Variants in KLF8 observed in about 807,000 individuals in gnomAD.
KLF8 encodes the protein KLF transcription factor 8, also known as Krueppel-like factor 8.
In KLF8, 10 loss-of-function variants were observed where a neutral mutation model predicts 18.2. That is an observed-to-expected ratio of 0.55 (90% CI 0.34 to 0.93). The LOEUF (loss-of-function observed/expected upper bound fraction) is 0.93. Among genes scored for constraint, KLF8 ranks in the 40% least tolerant of loss-of-function variants. The pLI, the probability that KLF8 is intolerant of heterozygous loss-of-function variation, is 0.02. For synonymous variants in KLF8, 109 were observed against 97.3 expected, an observed-to-expected ratio of 1.12 and a Z score of -0.71; for missense variants, 264 against 277.9, an observed-to-expected ratio of 0.95 and a Z score of 0.36.
chrX:55,950,702 G>T, the KLF8 span, among the ~76,000 whole-genome samples: 36 of 111,575 alleles, frequency 3.2e-4, no homozygotes, highest in African/African-American at 1.0e-3. Flanking sequence ...TTTTCTTCAT[G>T]CCCTGGTGAT....
chrX:56,035,362 C>A, the KLF8 span, among the ~76,000 whole-genome samples: 1 of 112,003 alleles, frequency 8.9e-6, no homozygotes, highest in African/African-American at 3.2e-5. Flanking sequence ...TTTATGCAGC[C>A]ATCTGTTCTT....
chrX:56,221,068 A>G, the KLF8 span, among the ~76,000 whole-genome samples: 1 of 112,192 alleles, frequency 8.9e-6, no homozygotes, highest in African/African-American at 3.2e-5. Context: ...ATACTTCCTT[A>G]CTTGCACATA....
At chrX:55,913,832 A>G in the KLF8 span, among the ~76,000 whole-genome samples, 6 of 112,170 alleles carry the variant, frequency 5.3e-5, no homozygotes, top group Non-Finnish European at 1.1e-4. Flanking sequence ...AGAACAGGGT[A>G]GGGTTAGAGA....
chrX:56,003,812 ACTT>A, the KLF8 span, among the ~76,000 whole-genome samples: 2 of 112,028 alleles, frequency 1.8e-5, no homozygotes, highest in African/African-American at 6.5e-5. Context: ...ATGGGCTTCT[ACTT>A]CTTCTTAAAA....
chrX:56,133,775 C>T, the KLF8 span, among the ~76,000 whole-genome samples: 1 of 111,379 alleles, frequency 9.0e-6, no homozygotes, highest in Admixed American at 9.6e-5. Flanking sequence ...CCTAAAGACT[C>T]GTCCAAATAG....
chrX:56,034,296 G>A, the KLF8 span, among the ~76,000 whole-genome samples: 1 of 111,286 alleles, frequency 9.0e-6, no homozygotes, highest in African/African-American at 3.3e-5. Context: ...GTATATTATT[G>A]GCATCTTTGT....
the KLF8 span, among the ~76,000 whole-genome samples, chrX:56,212,675 G>A: frequency 2.7e-5 from 3 of 112,168 alleles, no homozygotes; most frequent in Non-Finnish European, 3.8e-5. Flanking sequence ...TGTATTCAGG[G>A]AGGTGTGGCA....
chrX:55,932,436 G>A, the KLF8 span, among the ~76,000 whole-genome samples: 7 of 111,229 alleles, frequency 6.3e-5, no homozygotes, highest in East Asian at 1.4e-3. Context: ...TATTTTGCCC[G>A]TTAGTTGATG....
At chrX:56,228,612 C>T (rs770623140), upstream of KLF8, among the ~76,000 whole-genome samples, 9 of 112,166 alleles carry the variant, frequency 8.0e-5, no homozygotes, top group African/African-American at 3.2e-5. Flanking sequence ...AATCTCCTTC[C>T]AGGCTTTCTT....
chrX:55,941,228 T>C, the KLF8 span, among the ~76,000 whole-genome samples: 1 of 111,939 alleles, frequency 8.9e-6, no homozygotes, highest in Non-Finnish European at 1.9e-5. Context: ...TATCTACAAC[T>C]ATCTTATCTT....
the KLF8 span, among the ~76,000 whole-genome samples, chrX:56,136,764 T>G: frequency 9.0e-6 from 1 of 110,540 alleles, no homozygotes; most frequent in African/African-American, 3.3e-5. Context: ...GGGATCTAAT[T>G]AAACTAAAGA....
the KLF8 span, among the ~76,000 whole-genome samples, chrX:56,045,684 G>C: frequency 1.8e-5 from 2 of 111,790 alleles, no homozygotes; most frequent in Non-Finnish European, 3.8e-5. Context: ...AAGGGGTTCA[G>C]TTCTTGATTT....
chrX:56,013,643 C>T, the KLF8 span, among the ~76,000 whole-genome samples: 12 of 110,630 alleles, frequency 1.1e-4, no homozygotes, highest in Non-Finnish European at 2.1e-4. Context: ...TTCTTTTTTT[C>T]GTTATGATAG....
chrX:55,954,738 G>A, the KLF8 span, among the ~76,000 whole-genome samples: 1 of 111,766 alleles, frequency 8.9e-6, no homozygotes, highest in Admixed American at 9.5e-5. Context: ...ACATGTGAAT[G>A]TTCACAGCAG....
At chrX:56,153,564 C>G in the KLF8 span, among the ~76,000 whole-genome samples, 4 of 110,934 alleles carry the variant, frequency 3.6e-5, no homozygotes, top group African/African-American at 1.3e-4. Flanking sequence ...GAGGGCATCC[C>G]TGTCTCGTGC....
chrX:56,187,338 C>T, the KLF8 span, among the ~76,000 whole-genome samples: 1 of 111,948 alleles, frequency 8.9e-6, no homozygotes, highest in Non-Finnish European at 1.9e-5. Context: ...AGTTGAATCT[C>T]TGCATAGACC....
the KLF8 span, among the ~76,000 whole-genome samples, chrX:56,045,346 G>A: frequency 1.5e-4 from 17 of 111,357 alleles, no homozygotes; most frequent in African/African-American, 5.5e-4. Flanking sequence ...TTCCAGATAT[G>A]TTCTTTTTGC....
the KLF8 span, among the ~76,000 whole-genome samples, chrX:55,946,599 C>A: frequency 9.0e-6 from 1 of 111,694 alleles, no homozygotes; most frequent in African/African-American, 3.3e-5. Flanking sequence ...GTTTGAAACA[C>A]CAAAAGCAAT....
chrX:56,254,267 C>T (rs993070661), intron 2 of KLF8, among the ~76,000 whole-genome samples: 3 of 111,905 alleles, frequency 2.7e-5, no homozygotes, highest in Non-Finnish European at 5.6e-5. Flanking sequence ...CTAGCAGGGG[C>T]GAATTCCACT....
Sources: allele counts gnomAD v4.1 joint callset (sites outside exome capture counted in the v4.1 genomes callset), GRCh38; gene constraint gnomAD v4.1.1; transcripts MANE v1.5; gene names NCBI Gene and HGNC (gene_info 2026-07-23, HGNC 2026-07-21).